The following ARFGEF1 variants were observed in gnomAD, a reference collection of about 807,000 sequenced individuals.
The protein encoded by ARFGEF1 is ARF guanine nucleotide exchange factor 1, also known as brefeldin A-inhibited guanine nucleotide-exchange protein 1.
A neutral mutation model predicts 231.0 loss-of-function variants in ARFGEF1; 42 were observed. The observed-to-expected ratio is 0.18, with a 90% CI of 0.14 to 0.24. ARFGEF1 has a LOEUF of 0.24. Ranked by LOEUF, ARFGEF1 falls within the 10% of genes least tolerant of loss-of-function variation. The probability of loss-of-function intolerance (pLI) is 1.00; values close to 1 mark genes in which losing one functional copy is unlikely to be tolerated. For missense variants in ARFGEF1, 1,345 were observed against 2,192.0 expected (o/e 0.61, Z 7.72); for synonymous variants, 710 against 732.3 (o/e 0.97, Z 0.49).
intron 20 of ARFGEF1, 152 bp downstream of exon 20, chr8:67,240,010 G>A (rs1839882700): frequency 1.9e-6 from 2 of 1,054,406 alleles, no homozygotes; most frequent in South Asian, 1.7e-5. Context: ...CAGCTTCTCA[G>A]AAGCTTAAAC....
At chr8:67,194,640 T>C (rs1586977947), downstream of ARFGEF1, among the ~76,000 whole-genome samples, 1 of 152,018 alleles carries the variant, frequency 6.6e-6, no homozygotes, top group South Asian at 2.1e-4. Flanking sequence ...CTTTTTGTTA[T>C]TATGTGGATT....
At chr8:67,217,645 C>T in intron 32 of ARFGEF1, 137 bp downstream of exon 32, 4 of 901,272 alleles carry the variant, frequency 4.4e-6, no homozygotes, top group Non-Finnish European at 3.3e-6. Flanking sequence ...AATCTAAATC[C>T]ATGTAAGAGT....
At chr8:67,226,736 C>A (rs1336877126) in intron 27 of ARFGEF1, among the ~76,000 whole-genome samples, 2 of 152,046 alleles carry the variant, frequency 1.3e-5, no homozygotes, top group African/African-American at 4.8e-5. Flanking sequence ...TTGAAGAAGG[C>A]TGTGCAATGT....
chr8:67,197,748 G>C lies in ARFGEF1; in HGVS notation c.*1186C>G. ...GATGGGAATCAATATTGTACAGAAA[G>C]TTGTACAGAATTTTTTACATAGAAA... On this transcript the variant is annotated 3_prime_UTR_variant, in exon 39 of 39. Coordinates refer to ENST00000262215, the MANE Select transcript of ARFGEF1 (RefSeq NM_006421.5). The C allele has an allele frequency of 1.0e-6, 1 of 985,704 alleles. No individual in the cohort carries two copies. The highest frequency in any genetic ancestry group is 4.7e-5 in the South Asian group (1 of 21,278). 61.1% of individuals were successfully genotyped at this position (985,704 alleles called of 1,614,324 possible).
intron 1 of ARFGEF1, among the ~76,000 whole-genome samples, chr8:67,338,889 A>G (rs2128938295): frequency 6.6e-6 from 1 of 152,346 alleles, no homozygotes; most frequent in Non-Finnish European, 1.5e-5. Flanking sequence ...GTTTGGGGAT[A>G]AATCATTTTT....
intron 1 of ARFGEF1, among the ~76,000 whole-genome samples, chr8:67,304,864 T>C (rs1311356302): frequency 2.0e-5 from 3 of 152,178 alleles, no homozygotes. Flanking sequence ...GAGGAAATGC[T>C]GTGTTGACTG....
At chr8:67,331,694 A>C (rs1252671076) in intron 1 of ARFGEF1, among the ~76,000 whole-genome samples, 2 of 152,186 alleles carry the variant, frequency 1.3e-5, no homozygotes, top group Non-Finnish European at 2.9e-5. Context: ...CCTAACTATA[A>C]AGAGGAATTT....
intron 1 of ARFGEF1, among the ~76,000 whole-genome samples, chr8:67,311,302 C>A (rs1807033868): frequency 7.5e-6 from 1 of 133,920 alleles, no homozygotes; most frequent in Non-Finnish European, 1.6e-5. Flanking sequence ...GGGTCAGCCC[C>A]CCCGCCCGGC....
At chr8:67,212,933 A>G (rs1563840006) in intron 33 of ARFGEF1, among the ~76,000 whole-genome samples, 1 of 152,200 alleles carries the variant, frequency 6.6e-6, no homozygotes, top group Non-Finnish European at 1.5e-5. Flanking sequence ...ACTAGGTCAA[A>G]AAATTAGGGA....
chr8:67,327,602 G>A (rs771324190), intron 1 of ARFGEF1, among the ~76,000 whole-genome samples: 1 of 152,196 alleles, frequency 6.6e-6, no homozygotes, highest in Non-Finnish European at 1.5e-5. Context: ...TTACAGGCGT[G>A]AGCCAACGCA....
intron 35 of ARFGEF1, among the ~76,000 whole-genome samples, chr8:67,203,919 C>A (rs1218092560): frequency 6.6e-6 from 1 of 152,178 alleles, no homozygotes; most frequent in South Asian, 2.1e-4. Context: ...TGGGCTTCTA[C>A]CCCAGGTGAT....
chr8:67,211,039 G>A (rs112783231), intron 34 of ARFGEF1, among the ~76,000 whole-genome samples: 2,015 of 124,098 alleles, frequency 0.016, 28 homozygotes, highest in Middle Eastern at 0.03. Flanking sequence ...GTGAGACTCC[G>A]TCTCAAAAAA....
intron 17 of ARFGEF1, among the ~76,000 whole-genome samples, chr8:67,256,585 A>T (rs1388170237): frequency 6.6e-6 from 1 of 152,184 alleles, no homozygotes; most frequent in African/African-American, 2.4e-5. Flanking sequence ...TTTATTTTAC[A>T]ACCTAAGCAT....
At chr8:67,214,355 G>T (rs1838852295) in intron 33 of ARFGEF1, among the ~76,000 whole-genome samples, 1 of 152,214 alleles carries the variant, frequency 6.6e-6, no homozygotes, top group Non-Finnish European at 1.5e-5. Context: ...GTGATGATAT[G>T]TAGTTGAGAT....
intron 10 of ARFGEF1, among the ~76,000 whole-genome samples, chr8:67,269,290 A>G (rs1034838262): frequency 1.3e-5 from 2 of 151,956 alleles, no homozygotes; most frequent in African/African-American, 2.4e-5. Flanking sequence ...TCATGTAAAA[A>G]CAATCTTAAT....
intron 10 of ARFGEF1, among the ~76,000 whole-genome samples, chr8:67,271,303 G>A (rs1262066660): frequency 6.6e-6 from 1 of 151,744 alleles, no homozygotes; most frequent in East Asian, 1.9e-4. Flanking sequence ...CTTTTAAAAT[G>A]CCTAATACTT....
chr8:67,273,416 TCCCAAAAAAAAAAA>T (rs1805181077), intron 9 of ARFGEF1, among the ~76,000 whole-genome samples: 2 of 117,480 alleles, frequency 1.7e-5, no homozygotes, highest in Non-Finnish European at 3.4e-5. Context: ...TTTTTTTTTT[TCCCAAAAAAAAAAA>T]AAAAAAAAAA....
At chr8:67,209,781 T>C (rs1838657052) in intron 34 of ARFGEF1, among the ~76,000 whole-genome samples, 1 of 151,942 alleles carries the variant, frequency 6.6e-6, no homozygotes, top group African/African-American at 2.4e-5. Flanking sequence ...GACAGGGGTG[T>C]GGGCAGCAGT....
chr8:67,211,610 T>G lies in ARFGEF1; in HGVS notation c.4692A>C (p.Thr1564=). ...GAATATCTACAGACTTCTGTGATATTGTATCCTAATAAATAAAAAAAAAAT... is the reference window on the plus strand; with the variant it reads ...GAATATCTACAGACTTCTGTGATATGGTATCCTAATAAATAAAAAAAAAAT... ...PSPVSEKPLD[T]ISQKSVDIHD... Residue 1564 remains threonine (T), a synonymous_variant, in exon 34 of 39, where the codon ACA becomes ACC. Coordinates refer to ENST00000262215, the MANE Select transcript of ARFGEF1 (RefSeq NM_006421.5). 6.8e-7 allele frequency: 1 copy of G among 1,468,262 alleles called. No homozygotes were observed. The highest frequency in any genetic ancestry group is 9.1e-7 in the Non-Finnish European group (1 of 1,097,052). 91.0% of individuals were successfully genotyped at this position (1,468,262 alleles called of 1,614,324 possible). A position where few individuals can be genotyped will look rare whatever the true frequency, so the allele number is the denominator to read the frequency against.
Sources: allele counts gnomAD v4.1 joint callset (sites outside exome capture counted in the v4.1 genomes callset), GRCh38; gene constraint gnomAD v4.1.1; transcripts MANE v1.5; gene names NCBI Gene and HGNC (gene_info 2026-07-23, HGNC 2026-07-21).